PRSS3: variants seen among roughly 807,000 people sequenced by gnomAD.
The protein encoded by PRSS3 is serine protease 3, also known as trypsin-3.
In PRSS3, 14 loss-of-function variants were observed where a neutral mutation model predicts 20.8. The ratio of observed to expected loss-of-function variants is 0.67; its 90% CI spans 0.44 to 1.05. The LOEUF (loss-of-function observed/expected upper bound fraction) is 1.05. Among genes scored for constraint, PRSS3 ranks in the 50% least tolerant of loss-of-function variants. PRSS3 has a pLI of 0.00. For synonymous variants in PRSS3, 91 were observed against 117.6 expected (o/e 0.77, Z 1.46); for missense variants, 237 against 306.4 (o/e 0.77, Z 1.69).
At chr9:33,771,927 A>G (rs1587380548) in intron 1 of PRSS3, among the ~76,000 whole-genome samples, 1 of 140,128 alleles carries the variant, frequency 7.1e-6, no homozygotes, top group African/African-American at 2.7e-5. Flanking sequence ...GCTATAGTGC[A>G]GTGGCTCAAT....
Position 33,750,874 on chromosome 9 carries a change from A to C in PRSS3, c.-53+147A>C. 7.3e-7 allele frequency: 1 copy of C among 1,364,684 alleles called. No homozygotes were observed. The highest frequency in any genetic ancestry group is 9.4e-7 in the Non-Finnish European group (1 of 1,064,600). The allele number at this position is 1,364,684 out of a possible 1,614,324, so 84.5% of individuals were successfully genotyped here. A position where few individuals can be genotyped will look rare whatever the true frequency, so the allele number is the denominator to read the frequency against. Reference sequence around the variant, plus strand: ...GAGGGTACGCGGACAGGGAGGGGATACCGACTGGGAGGGGCTCAGGGACAG... The same window carrying C: ...GAGGGTACGCGGACAGGGAGGGGATCCCGACTGGGAGGGGCTCAGGGACAG... On this transcript the variant is annotated intron_variant, in intron 1 of 5. Coordinates refer to the PRSS3 transcript ENST00000342836. The surrounding 1 kb of genome is among the most constrained non-coding windows in gnomAD (Gnocchi z 4.8).
upstream of PRSS3, among the ~76,000 whole-genome samples, chr9:33,793,495 T>TG (rs1283763482): frequency 2.0e-5 from 3 of 148,738 alleles, no homozygotes; most frequent in Admixed American, 1.3e-4. Context: ...AGTCATGGCC[T>TG]GGATGGGTCT....
At chr9:33,764,598 A>G (rs942947921) in intron 1 of PRSS3, among the ~76,000 whole-genome samples, 2 of 152,234 alleles carry the variant, frequency 1.3e-5, no homozygotes, top group African/African-American at 4.8e-5. Flanking sequence ...AGAAGAAAAC[A>G]TAGAAGTGGG....
rs116263136 is a variant in PRSS3 at position 33,755,629 on chromosome 9, G to A, written c.-53+4902G>A. On this transcript the variant is annotated intron_variant, in intron 1 of 5. Coordinates refer to the PRSS3 transcript ENST00000342836. ...TATATTATTCCCAACTAAGGCACAT[G>A]ACACACCATGATCTTTACATTCCCC... 8.9e-3 allele frequency among the ~76,000 whole-genome samples: 1,362 copies of A among 152,210 alleles called. 21 individuals are homozygous for A. The highest frequency in any genetic ancestry group is 0.03 in the African/African-American group (1,266 of 41,520).
intron 1 of PRSS3, chr9:33,786,384 T>A: frequency 1.5e-6 from 1 of 647,808 alleles, no homozygotes; most frequent in South Asian, 1.8e-5. Context: ...TAAAGGACCA[T>A]AACAGAGTAA....
upstream of PRSS3, chr9:33,795,400 C>G (rs754629759): frequency 3.0e-4 from 255 of 853,604 alleles, 3 homozygotes; most frequent in Middle Eastern, 0.013. Context: ...AATCACAAAC[C>G]CACAGAGTGG....
At chr9:33,751,772 T>C (rs1269095835) in intron 1 of PRSS3, among the ~76,000 whole-genome samples, 1 of 152,172 alleles carries the variant, frequency 6.6e-6, no homozygotes, top group Non-Finnish European at 1.5e-5. Flanking sequence ...CCAGATGTGT[T>C]ATATTTTCAG....
intron 1 of PRSS3, among the ~76,000 whole-genome samples, chr9:33,768,791 G>C (rs1321144972): frequency 6.6e-6 from 1 of 151,874 alleles, no homozygotes; most frequent in Non-Finnish European, 1.5e-5. Context: ...GGGGGGCAGA[G>C]GTTGCAGTGA....
At chr9:33,763,817 G>A (rs1823311033) in intron 1 of PRSS3, among the ~76,000 whole-genome samples, 2 of 151,900 alleles carry the variant, frequency 1.3e-5, no homozygotes, top group African/African-American at 2.4e-5. Flanking sequence ...CTTTGCATGT[G>A]TTATTTGCTC....
At chr9:33,781,797 G>GAAT (rs1210364323) in intron 1 of PRSS3, among the ~76,000 whole-genome samples, 1 of 152,170 alleles carries the variant, frequency 6.6e-6, no homozygotes, top group Non-Finnish European at 1.5e-5. Context: ...AACACACAAA[G>GAAT]AATTTATGAG....
intron 1 of PRSS3, among the ~76,000 whole-genome samples, chr9:33,781,703 A>G (rs1824192142): frequency 6.6e-6 from 1 of 152,238 alleles, no homozygotes; most frequent in Non-Finnish European, 1.5e-5. Flanking sequence ...TCTAAATTTT[A>G]TCTACAGTAA....
At chr9:33,760,474 C>G (rs1440140276) in intron 1 of PRSS3, among the ~76,000 whole-genome samples, 1 of 151,998 alleles carries the variant, frequency 6.6e-6, no homozygotes, top group African/African-American at 2.4e-5. Context: ...AGGCCGGGTG[C>G]GGTGGCTCAC....
chr9:33,781,761 A>G (rs1220490087), intron 1 of PRSS3, among the ~76,000 whole-genome samples: 1 of 152,248 alleles, frequency 6.6e-6, no homozygotes, highest in Non-Finnish European at 1.5e-5. Context: ...CTAAGAAACT[A>G]AAAAGCTGAT....
At chr9:33,769,445 T>C (rs554464543) in intron 1 of PRSS3, among the ~76,000 whole-genome samples, 1 of 152,274 alleles carries the variant, frequency 6.6e-6, no homozygotes, top group South Asian at 2.1e-4. Flanking sequence ...TCGCCCCCTA[T>C]GGATTGCATA....
rs1351095452 is a variant in PRSS3 at position 33,798,005 on chromosome 9, T to G, written c.377T>G (p.Ile126Ser). ...GTCATCAATGCCCGCGTGTCCACCATCTCTCTGCCCACCACCCCTCCAGCT... is the reference window on the plus strand; with the variant it reads ...GTCATCAATGCCCGCGTGTCCACCAGCTCTCTGCCCACCACCCCTCCAGCT... ...PAVINARVST[I>S]SLPTTPPAAG... Residue 126 changes from isoleucine (I) to serine (S), a missense_variant, in exon 3 of 5, where the codon ATC (isoleucine) becomes AGC (serine). Ile to Ser is a moderately radical substitution (Grantham distance 142, BLOSUM62 -2). Transcript: ENST00000379405. The G allele has an allele frequency of 6.2e-7, 1 of 1,614,144 alleles. No homozygotes were observed. The highest frequency in any genetic ancestry group is 8.5e-7 in the Non-Finnish European group (1 of 1,180,036).
In PRSS3 at chr9:33,786,343, C is replaced by T. The variant is rs1824410272; in HGVS notation, c.-52-8403C>T. 6 of 592,722 alleles carry T rather than the reference C, an allele frequency of 1.0e-5. No homozygotes were observed. In the East Asian group the frequency reaches 1.4e-4, roughly 14 times the overall value. 36.7% of individuals were successfully genotyped at this position (592,722 alleles called of 1,614,324 possible). A position where few individuals can be genotyped will look rare whatever the true frequency, so the allele number is the denominator to read the frequency against. On this transcript the variant is annotated intron_variant, in intron 1 of 5. Transcript: ENST00000342836. The stretch of plus-strand genomic sequence containing the variant: ...TTCCTCTCCGGAGAGTCTGAAGCCA[C>T]CAGACAGAAGATGAAGGGGATATGT...
chr9:33,775,057 TAAA>T (rs1268310276), intron 1 of PRSS3, among the ~76,000 whole-genome samples: 3 of 108,342 alleles, frequency 2.8e-5, no homozygotes. Flanking sequence ...TTTCTTTCTG[TAAA>T]AAAAAAAAAA....
At chr9:33,751,088 G>A (rs1256243711) in intron 1 of PRSS3, among the ~76,000 whole-genome samples, 1 of 152,172 alleles carries the variant, frequency 6.6e-6, no homozygotes, top group East Asian at 1.9e-4. Context: ...CAGGTCTGCC[G>A]CGTTGCAGGG....
chr9:33,798,299 A>G, intron 3 of PRSS3, 187 bp from the exon 4 acceptor site: 1 of 1,238,418 alleles, frequency 8.1e-7, no homozygotes, highest in Non-Finnish European at 1.1e-6. Flanking sequence ...TGCTGTGATC[A>G]CGTCTTGGGA....
Sources: gnomAD v4.1 joint callset for allele counts (sites outside exome capture counted in the v4.1 genomes callset) on GRCh38, gnomAD v4.1.1 for gene constraint, Gnocchi (gnomAD v3.1) non-coding constraint, MANE v1.5 for transcripts, NCBI Gene and HGNC (gene_info 2026-07-23, HGNC 2026-07-21) for gene names.